HHLA2: variants seen among roughly 807,000 people sequenced by gnomAD.
The protein encoded by HHLA2 is HHLA2 member of B7 family, also known as HERV-H LTR-associating protein 2.
Under a neutral mutation model 45.9 loss-of-function variants are expected in HHLA2, and 48 were observed. That is an observed-to-expected ratio of 1.05 (90% CI 0.83 to 1.33). The LOEUF (loss-of-function observed/expected upper bound fraction) is 1.33, where lower values mean the gene tolerates loss of function less well. Ranked by LOEUF, HHLA2 falls within the 40% of genes most tolerant of loss-of-function variation. HHLA2 has a pLI of 0.00. For synonymous variants in HHLA2, 161 were observed against 173.9 expected, an observed-to-expected ratio of 0.93 and a Z score of 0.59; for missense variants, 462 against 494.3, an observed-to-expected ratio of 0.93 and a Z score of 0.62.
intron 3 of HHLA2, among the ~76,000 whole-genome samples, chr3:108,346,199 A>G (rs1156548165): frequency 6.6e-6 from 1 of 152,160 alleles, no homozygotes; most frequent in East Asian, 1.9e-4. Flanking sequence ...CAAAGACAGC[A>G]CCCCTAGAGA....
At chr3:108,353,476 C>T (rs746832212) in exon 5 of HHLA2, 6 of 1,602,066 alleles carry the variant, frequency 3.7e-6, no homozygotes, top group African/African-American at 1.3e-5. Context: ...ATGAACAAAT[C>T]GTCATTGGAA....
chr3:108,355,219 G>C, exon 6 of HHLA2: 1 of 1,613,830 alleles, frequency 6.2e-7, no homozygotes, highest in South Asian at 1.1e-5. Flanking sequence ...GTGGAAAATG[G>C]ACAACACACC....
intron 8 of HHLA2, among the ~76,000 whole-genome samples, chr3:108,371,928 G>A (rs565367984): frequency 1.1e-4 from 16 of 152,252 alleles, no homozygotes; most frequent in African/African-American, 3.4e-4. Flanking sequence ...GAGACAGAAA[G>A]TTAACAAGGA....
intron 3 of HHLA2, among the ~76,000 whole-genome samples, chr3:108,348,509 G>A (rs2081709940): frequency 6.6e-6 from 1 of 152,126 alleles, no homozygotes; most frequent in African/African-American, 2.4e-5. Flanking sequence ...ATAATCAAGA[G>A]TAAGGGGAGA....
At chr3:108,335,158 T>C (rs1257642339) in intron 3 of HHLA2, among the ~76,000 whole-genome samples, 4 of 152,168 alleles carry the variant, frequency 2.6e-5, no homozygotes, top group African/African-American at 9.7e-5. Flanking sequence ...ATGAAGATGT[T>C]TGAGTTTTAG....
intron 6 of HHLA2, among the ~76,000 whole-genome samples, chr3:108,356,564 T>A (rs2081897416): frequency 6.6e-6 from 1 of 152,180 alleles, no homozygotes; most frequent in Non-Finnish European, 1.5e-5. Flanking sequence ...AATGGAAACA[T>A]GGGAAAGGGT....
intron 8 of HHLA2, among the ~76,000 whole-genome samples, chr3:108,367,915 C>T (rs1234587615): frequency 6.6e-6 from 1 of 151,996 alleles, no homozygotes; most frequent in Admixed American, 6.6e-5. Flanking sequence ...TCAGATTCTC[C>T]AAGGTTGAAA....
At chr3:108,352,762 G>A (rs1484833572) in intron 4 of HHLA2, among the ~76,000 whole-genome samples, 1 of 152,196 alleles carries the variant, frequency 6.6e-6, no homozygotes, top group African/African-American at 2.4e-5. Context: ...GAGAATTGGG[G>A]ATTAGGCTTC....
chr3:108,324,393 A>G (rs2081254170), intron 2 of HHLA2, among the ~76,000 whole-genome samples: 1 of 152,168 alleles, frequency 6.6e-6, no homozygotes, highest in Non-Finnish European at 1.5e-5. Flanking sequence ...GCACATTTAG[A>G]TCTTCCTTAT....
At chr3:108,297,037 G>A (rs538712311) in intron 1 of HHLA2, among the ~76,000 whole-genome samples, 8 of 152,194 alleles carry the variant, frequency 5.3e-5, no homozygotes, top group Non-Finnish European at 1.0e-4. Context: ...CAAAAGGACC[G>A]TAGTAGTGGT....
chr3:108,369,560 T>C (rs937940789), intron 8 of HHLA2, among the ~76,000 whole-genome samples: 2 of 152,168 alleles, frequency 1.3e-5, no homozygotes, highest in Non-Finnish European at 2.9e-5. Context: ...TTCCCTTTCC[T>C]AGTCAAAGAA....
At chr3:108,317,259 G>A (rs911099420) in intron 2 of HHLA2, among the ~76,000 whole-genome samples, 3 of 152,138 alleles carry the variant, frequency 2.0e-5, no homozygotes, top group South Asian at 2.1e-4. Flanking sequence ...GTGGATATAC[G>A]GTGTGCAACT....
At chr3:108,302,781 T>C (rs891200037) in intron 1 of HHLA2, 2 of 152,066 alleles carry the variant, frequency 1.3e-5, no homozygotes, top group Non-Finnish European at 2.9e-5. Flanking sequence ...AGTCCTGAAG[T>C]CAAGGGAGGA....
chr3:108,317,575 T>TC (rs200165802), intron 2 of HHLA2, among the ~76,000 whole-genome samples: 9,733 of 145,544 alleles, frequency 0.067, 436 homozygotes, highest in Non-Finnish European at 0.09. Context: ...GGAGATTACT[T>TC]CTTTTTTTTT....
At chr3:108,353,190 T>C (rs1312149503) in intron 4 of HHLA2, among the ~76,000 whole-genome samples, 1 of 152,084 alleles carries the variant, frequency 6.6e-6, no homozygotes, top group Non-Finnish European at 1.5e-5. Context: ...TTCTATGCCT[T>C]GGGCTGTTAC....
At chr3:108,305,854 G>A (rs2080920382) in intron 1 of HHLA2, among the ~76,000 whole-genome samples, 1 of 152,184 alleles carries the variant, frequency 6.6e-6, no homozygotes, top group Non-Finnish European at 1.5e-5. Context: ...GATTCCTGGA[G>A]AAAACCCAAC....
intron 3 of HHLA2, among the ~76,000 whole-genome samples, chr3:108,338,696 GT>G (rs1051369353): frequency 3.3e-5 from 5 of 152,238 alleles, no homozygotes; most frequent in Non-Finnish European, 5.9e-5. Context: ...TGGATCACAT[GT>G]CCCCCTCCCA....
In HHLA2 at chr3:108,358,296, T is replaced by C. The variant is rs541037648; in HGVS notation, c.1003+135T>C. On this transcript the variant is annotated intron_variant, in intron 7 of 10. Transcript: ENST00000619531. The stretch of plus-strand genomic sequence containing the variant: ...AAAATATAATCCACAGGGATATTTC[T>C]GGTCAGGATGTCGATTACCCTCCCT... The C allele has an allele frequency of 2.4e-4, 153 of 638,796 alleles. 1 individual carries two copies. The African/African-American group carries it at 2.5e-3, about 10-fold the overall frequency. 39.6% of individuals were successfully genotyped at this position (638,796 alleles called of 1,614,324 possible).
chr3:108,308,143 C>T (rs1279987814), intron 1 of HHLA2, among the ~76,000 whole-genome samples: 1 of 152,090 alleles, frequency 6.6e-6, no homozygotes, highest in African/African-American at 2.4e-5. Flanking sequence ...ATTAACCATC[C>T]CCACCTTCCC....
Sources: gnomAD v4.1 joint callset for allele counts (sites outside exome capture counted in the v4.1 genomes callset) on GRCh38, gnomAD v4.1.1 for gene constraint, MANE v1.5 for transcripts, NCBI Gene and HGNC (gene_info 2026-07-23, HGNC 2026-07-21) for gene names.